Variants in PCDH9 observed in about 807,000 individuals in gnomAD.
PCDH9 encodes the protein protocadherin-9.
Under a neutral mutation model 70.6 loss-of-function variants are expected in PCDH9, and 24 were observed. That is an observed-to-expected ratio of 0.34 (90% CI 0.25 to 0.48). The LOEUF (loss-of-function observed/expected upper bound fraction) is 0.48. Among genes scored for constraint, PCDH9 ranks in the 20% least tolerant of loss-of-function variants. PCDH9 has a pLI of 0.99. For synonymous variants in PCDH9, 562 were observed against 558.5 expected (o/e 1.01, Z -0.09); for missense variants, 1,281 against 1,503.6 (o/e 0.85, Z 2.45).
At chr13:66,834,440 C>T (rs1434669370) in intron 3 of PCDH9, among the ~76,000 whole-genome samples, 1 of 152,092 alleles carries the variant, frequency 6.6e-6, no homozygotes, top group Non-Finnish European at 1.5e-5. Context: ...CCACTCCCAG[C>T]CCCTGATGGT....
chr13:66,491,049 C>T (rs760219944), intron 4 of PCDH9, among the ~76,000 whole-genome samples: 5 of 152,112 alleles, frequency 3.3e-5, no homozygotes, highest in African/African-American at 4.8e-5. Flanking sequence ...TATTTACTGG[C>T]TTCTTAGCTT....
At chr13:67,080,357 C>T (rs1434668112) in intron 2 of PCDH9, among the ~76,000 whole-genome samples, 2 of 152,178 alleles carry the variant, frequency 1.3e-5, no homozygotes, top group Non-Finnish European at 2.9e-5. Context: ...TGTGATAATG[C>T]TTTGATTCCT....
At chr13:66,716,159 A>G (rs1172277757) in intron 3 of PCDH9, among the ~76,000 whole-genome samples, 1 of 152,242 alleles carries the variant, frequency 6.6e-6, no homozygotes, top group African/African-American at 2.4e-5. Context: ...AATTTCAAAC[A>G]ATAATCTCAA....
intron 2 of PCDH9, chr13:67,001,891 T>C (rs1466502007): frequency 1.3e-5 from 2 of 152,232 alleles, no homozygotes; most frequent in African/African-American, 4.8e-5. Context: ...TTAGTCATGA[T>C]CAGGAAGATT....
chr13:66,470,916 A>T (rs1958606849), intron 4 of PCDH9, among the ~76,000 whole-genome samples: 1 of 150,764 alleles, frequency 6.6e-6, no homozygotes, highest in African/African-American at 2.4e-5. Context: ...ATTTGGAAGA[A>T]TTTTAAAAAA....
chr13:66,785,026 A>T (rs936740966), intron 3 of PCDH9, among the ~76,000 whole-genome samples: 1 of 152,080 alleles, frequency 6.6e-6, no homozygotes, highest in Non-Finnish European at 1.5e-5. Context: ...AAAGTTATAA[A>T]CCTAACACAT....
chr13:67,157,125 A>C (rs2087833978), intron 2 of PCDH9, among the ~76,000 whole-genome samples: 1 of 152,202 alleles, frequency 6.6e-6, no homozygotes, highest in South Asian at 2.1e-4. Flanking sequence ...TCAATGCCTA[A>C]CATATATTGA....
intron 4 of PCDH9, among the ~76,000 whole-genome samples, chr13:66,474,180 C>A (rs1385698269): frequency 6.6e-6 from 1 of 152,166 alleles, no homozygotes; most frequent in Non-Finnish European, 1.5e-5. Flanking sequence ...ACATCCATGT[C>A]TCATTTTGAC....
intron 2 of PCDH9, among the ~76,000 whole-genome samples, chr13:67,063,093 T>A (rs1478005211): frequency 6.6e-6 from 1 of 152,160 alleles, no homozygotes; most frequent in Non-Finnish European, 1.5e-5. Flanking sequence ...TATTTCTTAC[T>A]CATACTACAA....
intron 3 of PCDH9, among the ~76,000 whole-genome samples, chr13:66,765,132 G>A (rs1566179162): frequency 1.4e-5 from 2 of 144,524 alleles, no homozygotes; most frequent in African/African-American, 5.2e-5. Context: ...TCTCTGTCTC[G>A]CTCTCTCCCT....
chr13:67,003,237 A>AT (rs986126658), intron 2 of PCDH9, among the ~76,000 whole-genome samples: 1 of 152,150 alleles, frequency 6.6e-6, no homozygotes, highest in African/African-American at 2.4e-5. Flanking sequence ...TGATGAAAGT[A>AT]TTATGTTATA....
At chr13:67,069,846 T>C (rs1424000221) in intron 2 of PCDH9, among the ~76,000 whole-genome samples, 1 of 152,140 alleles carries the variant, frequency 6.6e-6, no homozygotes, top group Non-Finnish European at 1.5e-5. Flanking sequence ...CATAAAAATC[T>C]TGGGATTGTC....
intron 4 of PCDH9, among the ~76,000 whole-genome samples, chr13:66,426,360 C>T (rs1326474635): frequency 6.6e-6 from 1 of 151,572 alleles, no homozygotes; most frequent in East Asian, 1.9e-4. Context: ...TTAATTTAAG[C>T]CACATCTAGA....
intron 3 of PCDH9, among the ~76,000 whole-genome samples, chr13:66,665,767 T>C (rs1202115792): frequency 6.6e-6 from 1 of 152,140 alleles, no homozygotes; most frequent in Admixed American, 6.5e-5. Context: ...ATTGAGTTTT[T>C]TTTAGACTAA....
chr13:67,160,572 G>T (rs1368667873), intron 2 of PCDH9, among the ~76,000 whole-genome samples: 1 of 42,520 alleles, frequency 2.4e-5, no homozygotes, highest in Non-Finnish European at 6.1e-5. Flanking sequence ...TATACTCAAA[G>T]GCTATTTTTT....
intron 4 of PCDH9, among the ~76,000 whole-genome samples, chr13:66,401,161 G>A (rs1957178456): frequency 6.6e-6 from 1 of 152,038 alleles, no homozygotes; most frequent in African/African-American, 2.4e-5. Flanking sequence ...ATGCATAGGT[G>A]GGTGATATGG....
chr13:66,719,129 G>GT (rs1300550130), intron 3 of PCDH9, among the ~76,000 whole-genome samples: 2 of 152,180 alleles, frequency 1.3e-5, no homozygotes, highest in Admixed American at 1.3e-4. Context: ...CGAAGATGTG[G>GT]TTTAATAGAT....
At chr13:66,585,941 A>T (rs187028308) in intron 4 of PCDH9, among the ~76,000 whole-genome samples, 1 of 152,274 alleles carries the variant, frequency 6.6e-6, no homozygotes, top group Admixed American at 6.5e-5. Flanking sequence ...AGCCCATTAA[A>T]TGAGTGATTT....
At chr13:66,948,064 A>T (rs1208792949) in intron 2 of PCDH9, among the ~76,000 whole-genome samples, 1 of 152,096 alleles carries the variant, frequency 6.6e-6, no homozygotes, top group Non-Finnish European at 1.5e-5. Flanking sequence ...ACTTATGTGG[A>T]TGTGTGGGGG....
Sources: allele counts gnomAD v4.1 joint callset (sites outside exome capture counted in the v4.1 genomes callset), GRCh38; gene constraint gnomAD v4.1.1; transcripts MANE v1.5; gene names NCBI Gene and HGNC (gene_info 2026-07-23, HGNC 2026-07-21).